The following KCNQ3 variants were observed in gnomAD, a reference collection of about 807,000 sequenced individuals.
KCNQ3 encodes potassium voltage-gated channel subfamily KQT member 3.
A neutral mutation model predicts 92.5 loss-of-function variants in KCNQ3; 30 were observed. That is an observed-to-expected ratio of 0.32 (90% confidence interval 0.24 to 0.44). The LOEUF is 0.44. KCNQ3 is among the 20% of genes least tolerant of loss of function. The pLI, the probability that KCNQ3 is intolerant of heterozygous loss-of-function variation, is 1.00. For synonymous variants in KCNQ3, 450 were observed against 468.8 expected (o/e 0.96, Z 0.52); for missense variants, 913 against 1,140.3 (o/e 0.80, Z 2.87).
At chr8:132,324,807 C>G (rs572950971) in intron 1 of KCNQ3, among the ~76,000 whole-genome samples, 1 of 152,274 alleles carries the variant, frequency 6.6e-6, no homozygotes, top group East Asian at 1.9e-4. Context: ...AAAGGTAGGA[C>G]CCAGCTCTGC....
chr8:132,436,672 G>C (rs1563911629), intron 1 of KCNQ3, among the ~76,000 whole-genome samples: 1 of 152,146 alleles, frequency 6.6e-6, no homozygotes. Flanking sequence ...TTTCACGTGA[G>C]GTTTTGAGTT....
At chr8:132,455,024 A>C (rs1036779678) in intron 1 of KCNQ3, among the ~76,000 whole-genome samples, 3 of 152,228 alleles carry the variant, frequency 2.0e-5, no homozygotes, top group African/African-American at 7.2e-5. Flanking sequence ...GAGAGGGGGA[A>C]GTAGTGAGTT....
At chr8:132,289,200 G>A (rs922013574) in intron 1 of KCNQ3, among the ~76,000 whole-genome samples, 1 of 152,184 alleles carries the variant, frequency 6.6e-6, no homozygotes, top group Non-Finnish European at 1.5e-5. Flanking sequence ...CAAAAAGGCT[G>A]GAGGGATAGA....
chr8:132,479,433 G>T (rs896726132), intron 1 of KCNQ3, among the ~76,000 whole-genome samples: 1 of 152,188 alleles, frequency 6.6e-6, no homozygotes, highest in East Asian at 1.9e-4. Context: ...AGCCAAAAGA[G>T]TCCCCGGCCC....
intron 1 of KCNQ3, among the ~76,000 whole-genome samples, chr8:132,434,799 A>G (rs1478322105): frequency 6.6e-6 from 1 of 152,196 alleles, no homozygotes; most frequent in Non-Finnish European, 1.5e-5. Context: ...GCAAATGCTG[A>G]AAGAGGTAAG....
intron 13 of KCNQ3, among the ~76,000 whole-genome samples, chr8:132,132,741 C>T (rs1287118433): frequency 7.9e-5 from 12 of 152,120 alleles, no homozygotes; most frequent in Admixed American, 7.9e-4. Context: ...TGAAGAATCC[C>T]AAATCTTGAA....
chr8:132,464,968 A>T (rs916807432), intron 1 of KCNQ3, among the ~76,000 whole-genome samples: 6 of 152,226 alleles, frequency 3.9e-5, no homozygotes, highest in African/African-American at 1.4e-4. Flanking sequence ...TACAAAACCT[A>T]AAGGATTACA....
chr8:132,365,615 A>G (rs1189425464), intron 1 of KCNQ3, among the ~76,000 whole-genome samples: 2 of 152,240 alleles, frequency 1.3e-5, no homozygotes, highest in Admixed American at 1.3e-4. Flanking sequence ...AATAGATGTA[A>G]TGATAATAAT....
chr8:132,276,415 G>A (rs1377158080), intron 1 of KCNQ3, among the ~76,000 whole-genome samples: 1 of 152,110 alleles, frequency 6.6e-6, no homozygotes, highest in African/African-American at 2.4e-5. Flanking sequence ...GGCAGGCTCT[G>A]TTCCTAACCA....
intron 1 of KCNQ3, among the ~76,000 whole-genome samples, chr8:132,283,833 C>T (rs59253799): frequency 0.026 from 3,923 of 152,248 alleles, 187 homozygotes; most frequent in African/African-American, 0.089. Context: ...CTGATAGCAC[C>T]AAGAAAACAT....
At chr8:132,186,533 T>C (rs1212858053) in intron 1 of KCNQ3, 4 of 367,860 alleles carry the variant, frequency 1.1e-5, no homozygotes, top group African/African-American at 2.1e-5. Flanking sequence ...TCATTAAGTA[T>C]ATGAATTAAT....
At chr8:132,207,705 CT>C (rs11341211) in intron 1 of KCNQ3, among the ~76,000 whole-genome samples, 10,986 of 145,820 alleles carry the variant, frequency 0.075, 564 homozygotes, top group African/African-American at 0.14. Context: ...ACATCTCAGA[CT>C]TTTTTTTTTT....
chr8:132,155,925 G>A (rs996052450), intron 9 of KCNQ3, among the ~76,000 whole-genome samples: 1 of 152,146 alleles, frequency 6.6e-6, no homozygotes, highest in African/African-American at 2.4e-5. Context: ...TAACTCTGAT[G>A]TGTTAATTGG....
At chr8:132,458,835 T>C (rs1376759135) in intron 1 of KCNQ3, among the ~76,000 whole-genome samples, 1 of 152,256 alleles carries the variant, frequency 6.6e-6, no homozygotes, top group Non-Finnish European at 1.5e-5. Flanking sequence ...TCCCCTATTA[T>C]TAACATCTTA....
chr8:132,202,692 T>G (rs1827498936), intron 1 of KCNQ3, among the ~76,000 whole-genome samples: 1 of 152,152 alleles, frequency 6.6e-6, no homozygotes, highest in Non-Finnish European at 1.5e-5. Context: ...GCCAATACCT[T>G]GTTCCTCATT....
chr8:132,366,188 A>AG, intron 1 of KCNQ3, among the ~76,000 whole-genome samples: 1 of 152,224 alleles, frequency 6.6e-6, no homozygotes, highest in African/African-American at 2.4e-5. Flanking sequence ...CTCTTCATAT[A>AG]GCTCTTGCAC....
At chr8:132,356,383 G>A (rs989083659) in intron 1 of KCNQ3, among the ~76,000 whole-genome samples, 5 of 152,192 alleles carry the variant, frequency 3.3e-5, no homozygotes, top group South Asian at 2.1e-4. Flanking sequence ...ACTACTCTAC[G>A]AAGCAGGAAT....
chr8:132,195,078 G>A (rs1586820053), intron 1 of KCNQ3, among the ~76,000 whole-genome samples: 1 of 152,166 alleles, frequency 6.6e-6, no homozygotes, highest in African/African-American at 2.4e-5. Context: ...GTCATTCAGG[G>A]AATTAAAACA....
At chr8:132,276,562 C>T (rs948602139) in intron 1 of KCNQ3, among the ~76,000 whole-genome samples, 6 of 152,152 alleles carry the variant, frequency 3.9e-5, no homozygotes, top group Non-Finnish European at 5.9e-5. Flanking sequence ...TTCCAGGCAG[C>T]GATGGGTATT....
Sources: gnomAD v4.1 joint callset for allele counts (sites outside exome capture counted in the v4.1 genomes callset) on GRCh38, gnomAD v4.1.1 for gene constraint, MANE v1.5 for transcripts, NCBI Gene and HGNC (gene_info 2026-07-23, HGNC 2026-07-21) for gene names.